The following MTFP1 variants were observed in gnomAD, a reference collection of about 807,000 sequenced individuals.
MTFP1 encodes mitochondrial fission process 1, also known as mitochondrial fission process protein 1.
In MTFP1, 19 loss-of-function variants were observed where a neutral mutation model predicts 17.1. That is an observed-to-expected ratio of 1.11 (90% confidence interval 0.77 to 1.63). MTFP1 has a LOEUF of 1.63. Ranked by LOEUF, MTFP1 falls within the 40% of genes most tolerant of loss-of-function variation. MTFP1 has a pLI of 0.00. For synonymous variants in MTFP1, 89 were observed against 95.2 expected (o/e 0.93, Z 0.38); for missense variants, 221 against 226.2 (o/e 0.98, Z 0.15).
intron 1 of MTFP1, 89 bp from the exon 2 acceptor site, chr22:30,426,628 G>A: frequency 8.4e-6 from 13 of 1,538,938 alleles, no homozygotes; most frequent in Non-Finnish European, 1.1e-5. Context: ...CCCAGGGACT[G>A]CTTAGCTGGC....
At position 30,426,857 on chromosome 22, in the gene MTFP1, C is replaced by T. The variant is rs1255143443; in HGVS notation, c.195+13C>T. 6.2e-7 allele frequency: 1 copy of T among 1,606,864 alleles called. No individual in the cohort carries two copies. ...GAAGGCTGGAGAGGTGAGTGTTAGC[C>T]TATTTTCCAACCCCCAACCCTAGCT... is the stretch of plus-strand genomic sequence containing the variant. On this transcript the variant is annotated intron_variant, in intron 2 of 3. Transcript: ENST00000266263.
intron 2 of MTFP1, 66 bp from the exon 3 acceptor site, chr22:30,427,105 C>T (rs767767987): frequency 1.2e-5 from 18 of 1,554,712 alleles, no homozygotes; most frequent in African/African-American, 2.7e-5. Context: ...GGTCTAGCCT[C>T]GTGCCCCTTG....
Position 30,425,812 on chromosome 22 carries a change from G to A in MTFP1, c.-68G>A. 1 of 1,457,150 alleles carries A rather than the reference G, an allele frequency of 6.9e-7. No individual in the cohort carries two copies. The highest frequency in any genetic ancestry group is 1.5e-5 in the African/African-American group (1 of 68,516). 90.3% of individuals were successfully genotyped at this position (1,457,150 alleles called of 1,614,324 possible). On this transcript the variant is annotated 5_prime_UTR_variant, in exon 1 of 4. The change creates a new upstream start codon in the 5' untranslated region. Coordinates refer to ENST00000266263, the MANE Select transcript of MTFP1 (RefSeq NM_016498.5). ...GCGGGTCCCGGCCGGGCAGACCCAA[G>A]TGCCGGCGGCGGAGACTGCAGTGGA...
chr22:30,426,814 T>C lies in MTFP1; in HGVS notation c.165T>C (p.Asp55=). ...TGGCCAGCTCCTACGTGCTGGCGGATGCCATTGACAAAGGCAAGAAGGCTG... is the reference window on the plus strand; with the variant it reads ...TGGCCAGCTCCTACGTGCTGGCGGACGCCATTGACAAAGGCAAGAAGGCTG... The part of the protein sequence containing the change: ...YGVASSYVLA[D]AIDKGKKAGE... Residue 55 remains aspartate (D), a synonymous_variant, in exon 2 of 4, where the codon GAT becomes GAC. Transcript: ENST00000266263. The C allele has an allele frequency of 6.2e-7, 1 of 1,613,148 alleles. No homozygotes were observed. Among genetic ancestry groups the C allele is most frequent in the Non-Finnish European group, 8.5e-7 (1 of 1,180,010 alleles).
Position 30,425,858 on chromosome 22 carries a change from C to T in MTFP1, c.-22C>T, listed in dbSNP as rs1356053313. Reference sequence around the variant, plus strand: ...GTGGAGCCAGTACCGGCTGTAGTGGCCGGGGCCGTGGCGGGAGAGTCATGT... The same window carrying T: ...GTGGAGCCAGTACCGGCTGTAGTGGTCGGGGCCGTGGCGGGAGAGTCATGT... On this transcript the variant is annotated 5_prime_UTR_variant, in exon 1 of 4. Coordinates refer to ENST00000266263, the MANE Select transcript of MTFP1 (RefSeq NM_016498.5). 1 of 1,533,030 alleles carries T rather than the reference C, an allele frequency of 6.5e-7. No homozygotes were observed. The highest frequency in any genetic ancestry group is 1.2e-5 in the South Asian group (1 of 83,048). The allele number at this position is 1,533,030 out of a possible 1,614,324, so 95.0% of individuals were successfully genotyped here.
At position 30,425,810 on chromosome 22, in the gene MTFP1, A is replaced by C; in HGVS notation, c.-70A>C. On this transcript the variant is annotated 5_prime_UTR_variant, in exon 1 of 4. Transcript: ENST00000266263. ...CGGCGGGTCCCGGCCGGGCAGACCC[A>C]AGTGCCGGCGGCGGAGACTGCAGTG... 6.9e-7 allele frequency: 1 copy of C among 1,448,796 alleles called. No homozygotes were observed. Among genetic ancestry groups the C allele is most frequent in the South Asian group, 1.3e-5 (1 of 75,404 alleles). The allele number at this position is 1,448,796 out of a possible 1,614,324, so 89.7% of individuals were successfully genotyped here. A position where few individuals can be genotyped will look rare whatever the true frequency, so the allele number is the denominator to read the frequency against.
intron 3 of MTFP1, 137 bp downstream of exon 3, chr22:30,427,540 C>A: frequency 1.1e-6 from 1 of 911,680 alleles, no homozygotes; most frequent in Non-Finnish European, 1.7e-6. Flanking sequence ...ACAAGGCTGG[C>A]ACTTGGCTCC....
chr22:30,428,464 C>A lies in MTFP1; in HGVS notation c.431C>A (p.Ser144Ter). ...IPIIIHPIDR[S>*]VDFLLDSSLR... ...CACCACCCTTCCACTCCCTACAGGTCGGTGGATTTCCTCCTGGACTCCAGC... is the reference window on the plus strand; with the variant it reads ...CACCACCCTTCCACTCCCTACAGGTAGGTGGATTTCCTCCTGGACTCCAGC... Residue 144 changes from serine (S) to a stop codon, truncating the protein, a stop_gained and splice_region_variant, in exon 4 of 4, where the codon TCG (serine) becomes TAG (stop). Transcript: ENST00000266263. LOFTEE classifies it high-confidence loss of function. 6.2e-7 allele frequency: 1 copy of A among 1,613,986 alleles called. No homozygotes were observed. The highest frequency in any genetic ancestry group is 1.1e-5 in the South Asian group (1 of 91,068).
rs149947053 is a variant in MTFP1 at position 30,428,576 on chromosome 22, A to G, written c.*42A>G. Reference sequence around the variant, plus strand: ...GGCCTGTGCATCGGCCTCCTGCTTCATGTCAACCTCCTACTCCTGCCAGGG... The same window carrying G: ...GGCCTGTGCATCGGCCTCCTGCTTCGTGTCAACCTCCTACTCCTGCCAGGG... On this transcript the variant is annotated 3_prime_UTR_variant, in exon 4 of 4. Coordinates refer to ENST00000266263, the MANE Select transcript of MTFP1 (RefSeq NM_016498.5). 3.7e-6 allele frequency: 6 copies of G among 1,613,998 alleles called. No individual in the cohort carries two copies. The highest frequency in any genetic ancestry group is 1.3e-5 in the African/African-American group (1 of 74,902).
chr22:30,428,149 C>T (rs1934703731), intron 3 of MTFP1, among the ~76,000 whole-genome samples: 1 of 152,172 alleles, frequency 6.6e-6, no homozygotes, highest in Non-Finnish European at 1.5e-5. Context: ...TCAACCCAAC[C>T]AGACCAATGT....
intron 2 of MTFP1, 123 bp downstream of exon 2, chr22:30,426,967 AGTCC>A: frequency 6.6e-7 from 1 of 1,504,802 alleles, no homozygotes; most frequent in East Asian, 2.3e-5. Context: ...TGCCTAGTGC[AGTCC>A]ATAGACAGTC....
chr22:30,427,335 T>C lies in MTFP1; in HGVS notation c.360T>C (p.Ala120=). 1 of 1,614,186 alleles carries C rather than the reference T, an allele frequency of 6.2e-7. No homozygotes were observed. The highest frequency in any genetic ancestry group is 8.5e-7 in the Non-Finnish European group (1 of 1,180,044). ...GCACTGCCACCCGCTGGCCCCTGGC[T>C]GTCCGCAAGTGGACCACCACCGCGC... ...VLGTATRWPL[A]VRKWTTTALG... Residue 120 remains alanine (A), a synonymous_variant, in exon 3 of 4, where the codon GCT becomes GCC. Coordinates refer to ENST00000266263, the MANE Select transcript of MTFP1 (RefSeq NM_016498.5).
At position 30,427,193 on chromosome 22, in the gene MTFP1, G is replaced by C; in HGVS notation, c.218G>C (p.Arg73Pro). ...AGEVPSPEAG[R>P]SARVTVAVVD... ...CAGGTGCCCAGCCCTGAAGCAGGCC[G>C]CAGCGCCAGGGTGACTGTGGCTGTG... The change falls in exon 3 of 4, where the codon CGC becomes CCC. Residue 73 changes from arginine to proline, a missense_variant. Arg to Pro is a moderately radical substitution (Grantham distance 103). Transcript: ENST00000266263. 1 of 1,614,072 alleles carries C rather than the reference G, an allele frequency of 6.2e-7. No individual in the cohort carries two copies. Among genetic ancestry groups the C allele is most frequent in the East Asian group, 2.2e-5 (1 of 44,888 alleles).
At chr22:30,426,647 G>C (rs1934673412) in intron 1 of MTFP1, 70 bp from the exon 2 acceptor site, 6 of 1,587,580 alleles carry the variant, frequency 3.8e-6, no homozygotes, top group Non-Finnish European at 5.1e-6. Context: ...GCTAGGATGA[G>C]AACCAGCCTG....
rs369330304 is a variant in MTFP1 at position 30,425,818 on chromosome 22, G to A, written c.-62G>A. ...CCCGGCCGGGCAGACCCAAGTGCCG[G>A]CGGCGGAGACTGCAGTGGAGCCAGT... On this transcript the variant is annotated 5_prime_UTR_variant, in exon 1 of 4. Coordinates refer to ENST00000266263, the MANE Select transcript of MTFP1 (RefSeq NM_016498.5). 686 of 1,472,602 alleles carry A rather than the reference G, an allele frequency of 4.7e-4. 4 individuals are homozygous for A. The East Asian group carries it at 0.01, about 22-fold the overall frequency. 91.2% of individuals were successfully genotyped at this position (1,472,602 alleles called of 1,614,324 possible).
Position 30,426,819 on chromosome 22 carries a change from T to C in MTFP1, c.170T>C (p.Ile57Thr). The C allele has an allele frequency of 1.2e-6, 2 of 1,612,902 alleles. No homozygotes were observed. Among genetic ancestry groups the C allele is most frequent in the African/African-American group, 1.3e-5 (1 of 75,044 alleles). Residue 57 changes from isoleucine to threonine, a missense_variant, in exon 2 of 4, where the codon ATT becomes ACT. By Grantham distance (89) the Ile-to-Thr change is moderately conservative (BLOSUM62 -1). Transcript: ENST00000266263. The stretch of plus-strand genomic sequence containing the variant: ...AGCTCCTACGTGCTGGCGGATGCCA[T>C]TGACAAAGGCAAGAAGGCTGGAGAG... ...VASSYVLADAIDKGKKAGEVP... is the reference protein window; with the variant it reads ...VASSYVLADATDKGKKAGEVP...
chr22:30,428,713 C>T lies in MTFP1; in HGVS notation c.*179C>T. On this transcript the variant is annotated 3_prime_UTR_variant, in exon 4 of 4. Coordinates refer to ENST00000266263, the MANE Select transcript of MTFP1 (RefSeq NM_016498.5). ...AAGAAGCAGTGGCTGCAGGGAGTCA[C>T]AGAAGGGCAGGACCTGAACGCTGTC... is the stretch of plus-strand genomic sequence containing the variant. 6.3e-7 allele frequency: 1 copy of T among 1,582,626 alleles called. No homozygotes were observed. The highest frequency in any genetic ancestry group is 8.7e-7 in the Non-Finnish European group (1 of 1,152,198).
chr22:30,427,190 G>GCC lies in MTFP1; in HGVS notation c.216_217dup (p.Arg73ProfsTer6), dbSNP rs769108562. 1.2e-6 allele frequency: 2 copies of GCC among 1,614,122 alleles called. No individual in the cohort carries two copies. Among genetic ancestry groups the GCC allele is most frequent in the East Asian group, 4.5e-5 (2 of 44,886 alleles). On this transcript the variant is annotated frameshift_variant, in exon 3 of 4. Transcript: ENST00000266263. LOFTEE classifies it high-confidence loss of function. Reference sequence around the variant, plus strand: ...CACCAGGTGCCCAGCCCTGAAGCAGGCCGCAGCGCCAGGGTGACTGTGGCT... The same window carrying GCC: ...CACCAGGTGCCCAGCCCTGAAGCAGGCCCCGCAGCGCCAGGGTGACTGTGGCT...
In MTFP1 at chr22:30,428,665, A is replaced by G. The variant is rs1934713314; in HGVS notation, c.*131A>G. 6.2e-7 allele frequency: 1 copy of G among 1,614,056 alleles called. No homozygotes were observed. Among genetic ancestry groups the G allele is most frequent in the Non-Finnish European group, 8.5e-7 (1 of 1,179,996 alleles). On this transcript the variant is annotated 3_prime_UTR_variant, in exon 4 of 4. Coordinates refer to ENST00000266263, the MANE Select transcript of MTFP1 (RefSeq NM_016498.5). ...GCACCTGGGTGGGTTTGAGCTGGAC[A>G]GAAGCTTAGAGACAAAGGCTTCAAG...
Sources: allele counts gnomAD v4.1 joint callset (sites outside exome capture counted in the v4.1 genomes callset), GRCh38; gene constraint gnomAD v4.1.1; transcripts MANE v1.5; gene names NCBI Gene and HGNC (gene_info 2026-07-23, HGNC 2026-07-21).